The following INSM1 variants were observed in gnomAD, a reference collection of about 807,000 sequenced individuals.
INSM1 encodes insulinoma-associated protein 1.
In INSM1, 11 loss-of-function variants were observed where a neutral mutation model predicts 21.1. The ratio of observed to expected loss-of-function variants is 0.52; its 90% CI spans 0.33 to 0.86. The LOEUF is 0.86. Ranked by LOEUF, INSM1 falls within the 40% of genes least tolerant of loss-of-function variation. The pLI is 0.03. For synonymous variants in INSM1, 473 were observed against 386.1 expected (o/e 1.23, Z -2.64); for missense variants, 843 against 760.1 (o/e 1.11, Z -1.28).
chr20:20,369,046 C>A lies in INSM1; in HGVS notation c.779C>A (p.Ala260Glu). Residue 260 changes from alanine to glutamate, a missense_variant, in exon 1 of 1, where the codon GCG (alanine) becomes GAG (glutamate). Physicochemically the swap from Ala to Glu is moderately radical, Grantham distance 107. Coordinates refer to ENST00000310227, the MANE Select transcript of INSM1 (RefSeq NM_002196.3). This position sits in a 1 kb window ranked among gnomAD's most constrained non-coding sequence, Gnocchi z 5.6. The part of the protein sequence containing the change: ...VEAPRGRAGG[A>E]ARPLGEFICQ... ...GCGCCGCGGGGCCGCGCGGGGGGCG[C>A]GGCGCGGCCGCTGGGCGAGTTCATC... The A allele has an allele frequency of 6.5e-7, 1 of 1,548,840 alleles. No homozygotes were observed. Among genetic ancestry groups the A allele is most frequent in the Non-Finnish European group, 8.7e-7 (1 of 1,154,624 alleles).
Position 20,368,467 on chromosome 20 carries a change from C to G in INSM1, c.200C>G (p.Ala67Gly). The G allele has an allele frequency of 1.9e-6, 2 of 1,060,774 alleles. No individual in the cohort carries two copies. The highest frequency in any genetic ancestry group is 2.3e-6 in the Non-Finnish European group (2 of 874,994). The allele number at this position is 1,060,774 out of a possible 1,614,324, so 65.7% of individuals were successfully genotyped here. The change falls in exon 1 of 1, where the codon GCC becomes GGC. Residue 67 changes from alanine (A) to glycine (G), a missense_variant. Physicochemically the swap from Ala to Gly is moderately conservative, Grantham distance 60. Transcript: ENST00000310227. The surrounding 1 kb of genome is among the most constrained non-coding windows in gnomAD (Gnocchi z 4.3). Reference sequence around the variant, plus strand: ...GCGGAGCGCGCCCATGCAGCGCTCGCCGCCGCGCTTGCCTGCGCGCCTGGG... The same window carrying G: ...GCGGAGCGCGCCCATGCAGCGCTCGGCGCCGCGCTTGCCTGCGCGCCTGGG... ...PPAERAHAAL[A>G]AALACAPGPQ...
At position 20,369,003 on chromosome 20, in the gene INSM1, A is replaced by C; in HGVS notation, c.736A>C (p.Lys246Gln). The change falls in exon 1 of 1, where the codon AAG becomes CAG. Residue 246 changes from lysine (K) to glutamine (Q), a missense_variant. Transcript: ENST00000310227. This position sits in a 1 kb window ranked among gnomAD's most constrained non-coding sequence, Gnocchi z 5.6. ...GTCGCCCGTGCTGGGGCTCAAGATCAAGGAGGGCCCGGTGGAGGCGCCGCG... is the reference window on the plus strand; with the variant it reads ...GTCGCCCGTGCTGGGGCTCAAGATCCAGGAGGGCCCGGTGGAGGCGCCGCG... ...TTSPVLGLKI[K>Q]EGPVEAPRGR... is the part of the protein sequence containing the mutation. The C allele has an allele frequency of 6.5e-7, 1 of 1,538,968 alleles. No homozygotes were observed. Among genetic ancestry groups the C allele is most frequent in the South Asian group, 1.2e-5 (1 of 83,416 alleles).
Position 20,368,956 on chromosome 20 carries a change from A to G in INSM1, c.689A>G (p.His230Arg). ...AKKPKAIRKL[H>R]FEDEVTTSPV... is the part of the protein sequence containing the mutation. ...AAGCCCAAGGCCATCCGCAAGCTGC[A>G]CTTCGAGGACGAGGTGACCACGTCG... The change falls in exon 1 of 1, where the codon CAC becomes CGC. Residue 230 changes from histidine to arginine, a missense_variant. His to Arg is a conservative substitution (Grantham distance 29, BLOSUM62 0). Transcript: ENST00000310227. The surrounding 1 kb of genome is among the most constrained non-coding windows in gnomAD (Gnocchi z 4.3). The G allele has an allele frequency of 6.4e-7, 1 of 1,555,572 alleles. No homozygotes were observed. Among genetic ancestry groups the G allele is most frequent in the Non-Finnish European group, 8.7e-7 (1 of 1,154,138 alleles).
At position 20,369,359 on chromosome 20, in the gene INSM1, C is replaced by A; in HGVS notation, c.1092C>A (p.Asp364Glu). The A allele has an allele frequency of 1.3e-6, 2 of 1,503,720 alleles. No individual in the cohort carries two copies. The highest frequency in any genetic ancestry group is 8.8e-7 in the Non-Finnish European group (1 of 1,139,592). 93.1% of individuals were successfully genotyped at this position (1,503,720 alleles called of 1,614,324 possible). ...PGGVSESGSE[D>E]GLYECHHCAK... ...GCGTGTCCGAGTCGGGCTCCGAGGA[C>A]GGGCTCTACGAGTGCCATCACTGCG... Residue 364 changes from aspartate to glutamate, a missense_variant, in exon 1 of 1, where the codon GAC becomes GAA. Asp to Glu is a conservative substitution (Grantham distance 45, BLOSUM62 2). Transcript: ENST00000310227. This position sits in a 1 kb window ranked among gnomAD's most constrained non-coding sequence, Gnocchi z 5.6.
At position 20,369,379 on chromosome 20, in the gene INSM1, A is replaced by G. The variant is rs2059490051; in HGVS notation, c.1112A>G (p.His371Arg). 2.6e-6 allele frequency: 4 copies of G among 1,547,230 alleles called. No individual in the cohort carries two copies. The South Asian group carries it at 3.5e-5, about 14-fold the overall frequency. Reference protein sequence around the residue: ...GSEDGLYECHHCAKKFRRQAY... With the variant: ...GSEDGLYECHRCAKKFRRQAY... ...GAGGACGGGCTCTACGAGTGCCATC[A>G]CTGCGCCAAGAAGTTCCGCCGCCAG... Residue 371 changes from histidine (H) to arginine (R), a missense_variant, in exon 1 of 1, where the codon CAC becomes CGC. Coordinates refer to ENST00000310227, the MANE Select transcript of INSM1 (RefSeq NM_002196.3). This position sits in a 1 kb window ranked among gnomAD's most constrained non-coding sequence, Gnocchi z 5.6.
Position 20,368,588 on chromosome 20 carries a change from C to A in INSM1, c.321C>A (p.Ser107Arg). ...TCTACAGTCCCACGCGGCCCGTGAG[C>A]CGCGAGCACGAGAAGCACAAGTACT... ...APLYSPTRPV[S>R]REHEKHKYFE... Residue 107 changes from serine to arginine, a missense_variant, in exon 1 of 1, where the codon AGC becomes AGA. Coordinates refer to ENST00000310227, the MANE Select transcript of INSM1 (RefSeq NM_002196.3). This position sits in a 1 kb window ranked among gnomAD's most constrained non-coding sequence, Gnocchi z 4.3. The A allele has an allele frequency of 6.8e-7, 1 of 1,466,844 alleles. No individual in the cohort carries two copies. The highest frequency in any genetic ancestry group is 9.1e-7 in the Non-Finnish European group (1 of 1,097,500). 90.9% of individuals were successfully genotyped at this position (1,466,844 alleles called of 1,614,324 possible).
chr20:20,369,318 A>G lies in INSM1; in HGVS notation c.1051A>G (p.Thr351Ala). 7.1e-7 allele frequency: 1 copy of G among 1,411,580 alleles called. No individual in the cohort carries two copies. The allele number at this position is 1,411,580 out of a possible 1,614,324, so 87.4% of individuals were successfully genotyped here. The part of the protein sequence containing the change: ...EAPGGGSDRD[T>A]PSPGGVSESG... Reference sequence around the variant, plus strand: ...ACCCGGCGGCGGCAGCGACCGGGACACGCCGAGCCCCGGCGGCGTGTCCGA... The same window carrying G: ...ACCCGGCGGCGGCAGCGACCGGGACGCGCCGAGCCCCGGCGGCGTGTCCGA... The change falls in exon 1 of 1, where the codon ACG becomes GCG. Residue 351 changes from threonine (T) to alanine (A), a missense_variant. Coordinates refer to ENST00000310227, the MANE Select transcript of INSM1 (RefSeq NM_002196.3). This position sits in a 1 kb window ranked among gnomAD's most constrained non-coding sequence, Gnocchi z 5.6.
Position 20,369,757 on chromosome 20 carries a change from G to C in INSM1, c.1490G>C (p.Arg497Thr). 1 of 1,604,232 alleles carries C rather than the reference G, an allele frequency of 6.2e-7. No homozygotes were observed. Among genetic ancestry groups the C allele is most frequent in the South Asian group, 1.1e-5 (1 of 90,884 alleles). Reference protein sequence around the residue: ...HINKCHPSENRQVILLQVPVR... With the variant: ...HINKCHPSENTQVILLQVPVR... ...AACAAGTGCCACCCATCCGAAAACA[G>C]ACAGGTGATCCTCCTGCAGGTGCCC... Residue 497 changes from arginine to threonine, a missense_variant, in exon 1 of 1, where the codon AGA (arginine) becomes ACA (threonine). Transcript: ENST00000310227. This position sits in a 1 kb window ranked among gnomAD's most constrained non-coding sequence, Gnocchi z 5.6.
Position 20,369,763 on chromosome 20 carries a change from T to A in INSM1, c.1496T>A (p.Val499Glu). Reference protein sequence around the residue: ...NKCHPSENRQVILLQVPVRPA... With the variant: ...NKCHPSENRQEILLQVPVRPA... Reference sequence around the variant, plus strand: ...TGCCACCCATCCGAAAACAGACAGGTGATCCTCCTGCAGGTGCCCGTGCGC... The same window carrying A: ...TGCCACCCATCCGAAAACAGACAGGAGATCCTCCTGCAGGTGCCCGTGCGC... The change falls in exon 1 of 1, where the codon GTG becomes GAG. Residue 499 changes from valine (V) to glutamate (E), a missense_variant. Val to Glu is a moderately radical substitution (Grantham distance 121, BLOSUM62 -2). Coordinates refer to ENST00000310227, the MANE Select transcript of INSM1 (RefSeq NM_002196.3). The surrounding 1 kb of genome is among the most constrained non-coding windows in gnomAD (Gnocchi z 5.6). 6.2e-7 allele frequency: 1 copy of A among 1,603,982 alleles called. No individual in the cohort carries two copies. Among genetic ancestry groups the A allele is most frequent in the Non-Finnish European group, 8.5e-7 (1 of 1,178,276 alleles).
Position 20,369,514 on chromosome 20 carries a change from A to G in INSM1, c.1247A>G (p.Glu416Gly). Residue 416 changes from glutamate (E) to glycine (G), a missense_variant, in exon 1 of 1, where the codon GAG (glutamate) becomes GGG (glycine). Coordinates refer to ENST00000310227, the MANE Select transcript of INSM1 (RefSeq NM_002196.3). This position sits in a 1 kb window ranked among gnomAD's most constrained non-coding sequence, Gnocchi z 5.6. ...DLLALYPGPD[E>G]KAPQEAAGDG... ...CTGGCCTTGTACCCCGGGCCCGACGAGAAGGCGCCCCAGGAGGCGGCCGGC... is the reference window on the plus strand; with the variant it reads ...CTGGCCTTGTACCCCGGGCCCGACGGGAAGGCGCCCCAGGAGGCGGCCGGC... 2 of 1,550,336 alleles carry G rather than the reference A, an allele frequency of 1.3e-6. No individual in the cohort carries two copies. Among genetic ancestry groups the G allele is most frequent in the Admixed American group, 3.9e-5 (2 of 51,504 alleles).
rs1167591314 is a variant in INSM1 at position 20,370,817 on chromosome 20, TCTTA to T, written c.*1021_*1024del. 1.8e-5 allele frequency: 3 copies of T among 167,082 alleles called. No homozygotes were observed. Among genetic ancestry groups the T allele is most frequent in the Non-Finnish European group, 2.9e-5 (2 of 68,132 alleles). The allele number at this position is 167,082 out of a possible 1,614,324, so 10.3% of individuals were successfully genotyped here. On this transcript the variant is annotated 3_prime_UTR_variant, in exon 1 of 1. Coordinates refer to ENST00000310227, the MANE Select transcript of INSM1 (RefSeq NM_002196.3). ...CCAGGGCCCTTGTACAACCGACAGC[TCTTA>T]CTTTTAAATGCAATCTCTTTTCTAC...
rs1258747263 is a variant in INSM1, at chr20:20,368,897, G to T, written c.630G>T (p.Pro210=). The T allele has an allele frequency of 3.4e-6, 5 of 1,474,532 alleles. No homozygotes were observed. The highest frequency in any genetic ancestry group is 2.9e-5 in the African/African-American group (2 of 68,176). The allele number at this position is 1,474,532 out of a possible 1,614,324, so 91.3% of individuals were successfully genotyped here. The part of the protein sequence containing the change: ...KRPPPPTAAE[P]PAKAVKAPGA... ...CCCCGCCCCCTACCGCCGCGGAGCC[G>T]CCCGCCAAGGCAGTCAAGGCCCCGG... Residue 210 remains proline (P), a synonymous_variant, in exon 1 of 1, where the codon CCG becomes CCT. Coordinates refer to ENST00000310227, the MANE Select transcript of INSM1 (RefSeq NM_002196.3). This position sits in a 1 kb window ranked among gnomAD's most constrained non-coding sequence, Gnocchi z 4.3.
Position 20,369,259 on chromosome 20 carries a change from C to T in INSM1, c.992C>T (p.Pro331Leu), listed in dbSNP as rs2059489385. 7.0e-7 allele frequency: 1 copy of T among 1,437,168 alleles called. No homozygotes were observed. The highest frequency in any genetic ancestry group is 1.5e-5 in the African/African-American group (1 of 66,968). 89.0% of individuals were successfully genotyped at this position (1,437,168 alleles called of 1,614,324 possible). ...CCCGCCGCCGCCCGCGCGCCGGAGC[C>T]AGAAGCAGCAGCCAGGGCTGAGGCG... ...PAPAAARAPE[P>L]EAAARAEARE... The change falls in exon 1 of 1, where the codon CCA becomes CTA. Residue 331 changes from proline (P) to leucine (L), a missense_variant. Transcript: ENST00000310227. The surrounding 1 kb of genome is among the most constrained non-coding windows in gnomAD (Gnocchi z 5.6).
chr20:20,368,711 A>T lies in INSM1; in HGVS notation c.444A>T (p.Gly148=). ...GGGGCGGCGGCGGCGGCGCGAGCGG[A>T]GCTGGCGGAGGCGGCACCTGCGGCG... ...LGGGGGGGAS[G]AGGGGTCGGD... is the part of the protein sequence containing the mutation. Residue 148 remains glycine (G), a synonymous_variant, in exon 1 of 1, where the codon GGA becomes GGT. Coordinates refer to ENST00000310227, the MANE Select transcript of INSM1 (RefSeq NM_002196.3). The surrounding 1 kb of genome is among the most constrained non-coding windows in gnomAD (Gnocchi z 4.3). 1.6e-6 allele frequency: 2 copies of T among 1,225,896 alleles called. No homozygotes were observed. The highest frequency in any genetic ancestry group is 2.1e-6 in the Non-Finnish European group (2 of 972,278). The allele number at this position is 1,225,896 out of a possible 1,614,324, so 75.9% of individuals were successfully genotyped here.
In INSM1 at chr20:20,368,769, A is replaced by C. The variant is rs1486114108; in HGVS notation, c.502A>C (p.Lys168Gln). Residue 168 changes from lysine (K) to glutamine (Q), a missense_variant, in exon 1 of 1, where the codon AAG (lysine) becomes CAG (glutamine). Coordinates refer to ENST00000310227, the MANE Select transcript of INSM1 (RefSeq NM_002196.3). This position sits in a 1 kb window ranked among gnomAD's most constrained non-coding sequence, Gnocchi z 4.3. ...GCTGCTCTTCGCGCCCGCCGAGCTC[A>C]AGATGGGCACGGCGTTCTCGGCTGG... ...DPLLFAPAEL[K>Q]MGTAFSAGAE... The C allele has an allele frequency of 2.3e-5, 26 of 1,131,964 alleles. No individual in the cohort carries two copies. The highest frequency in any genetic ancestry group is 2.8e-5 in the Non-Finnish European group (25 of 904,800). 70.1% of individuals were successfully genotyped at this position (1,131,964 alleles called of 1,614,324 possible).
rs781504942 is a variant in INSM1 at position 20,368,602 on chromosome 20, A to G, written c.335A>G (p.Lys112Arg). 6 of 1,467,640 alleles carry G rather than the reference A, an allele frequency of 4.1e-6. No individual in the cohort carries two copies. The highest frequency in any genetic ancestry group is 5.5e-6 in the Non-Finnish European group (6 of 1,097,264). The allele number at this position is 1,467,640 out of a possible 1,614,324, so 90.9% of individuals were successfully genotyped here. ...PTRPVSREHE[K>R]HKYFERSFNL... ...CGGCCCGTGAGCCGCGAGCACGAGA[A>G]GCACAAGTACTTCGAACGCAGCTTC... The change falls in exon 1 of 1, where the codon AAG becomes AGG. Residue 112 changes from lysine to arginine, a missense_variant. By Grantham distance (26) the Lys-to-Arg change is conservative. Transcript: ENST00000310227. This position sits in a 1 kb window ranked among gnomAD's most constrained non-coding sequence, Gnocchi z 4.3.
chr20:20,368,836 C>G lies in INSM1; in HGVS notation c.569C>G (p.Pro190Arg). Residue 190 changes from proline (P) to arginine (R), a missense_variant, in exon 1 of 1, where the codon CCC (proline) becomes CGC (arginine). Transcript: ENST00000310227. The surrounding 1 kb of genome is among the most constrained non-coding windows in gnomAD (Gnocchi z 4.3). ...GGCCCGGGCCCCGGCCCCCCACTGC[C>G]CCCTGCCGCCGCCCTGCGGCCCCCG... ...ARGPGPGPPL[P>R]PAAALRPPGK... 1.6e-6 allele frequency: 2 copies of G among 1,255,208 alleles called. No individual in the cohort carries two copies. The highest frequency in any genetic ancestry group is 2.0e-6 in the Non-Finnish European group (2 of 988,710). The allele number at this position is 1,255,208 out of a possible 1,614,324, so 77.8% of individuals were successfully genotyped here.
In INSM1 at chr20:20,369,383, C is replaced by T. The variant is rs767103971; in HGVS notation, c.1116C>T (p.Cys372=). Residue 372 remains cysteine, a synonymous_variant, in exon 1 of 1, where the codon TGC becomes TGT. Transcript: ENST00000310227. The surrounding 1 kb of genome is among the most constrained non-coding windows in gnomAD (Gnocchi z 5.6). ...ACGGGCTCTACGAGTGCCATCACTGCGCCAAGAAGTTCCGCCGCCAGGCCT... is the reference window on the plus strand; with the variant it reads ...ACGGGCTCTACGAGTGCCATCACTGTGCCAAGAAGTTCCGCCGCCAGGCCT... ...SEDGLYECHH[C]AKKFRRQAYL... is the part of the protein sequence containing the mutation. 3 of 1,549,828 alleles carry T rather than the reference C, an allele frequency of 1.9e-6. No individual in the cohort carries two copies. The highest frequency in any genetic ancestry group is 1.2e-5 in the South Asian group (1 of 84,864).
In INSM1 at chr20:20,369,347, G is replaced by T. The variant is rs577480411; in HGVS notation, c.1080G>T (p.Ser360=). ...DTPSPGGVSE[S]GSEDGLYECH... is the part of the protein sequence containing the mutation. ...CGAGCCCCGGCGGCGTGTCCGAGTC[G>T]GGCTCCGAGGACGGGCTCTACGAGT... The change falls in exon 1 of 1, where the codon TCG becomes TCT. Residue 360 remains serine, a synonymous_variant. Transcript: ENST00000310227. This position sits in a 1 kb window ranked among gnomAD's most constrained non-coding sequence, Gnocchi z 5.6. The T allele has an allele frequency of 2.7e-6, 4 of 1,476,320 alleles. No individual in the cohort carries two copies. The highest frequency in any genetic ancestry group is 3.6e-6 in the Non-Finnish European group (4 of 1,125,888). 91.5% of individuals were successfully genotyped at this position (1,476,320 alleles called of 1,614,324 possible).
Sources: allele counts gnomAD v4.1 joint callset, GRCh38; gene constraint gnomAD v4.1.1; non-coding constraint Gnocchi (gnomAD v3.1); transcripts MANE v1.5; gene names NCBI Gene and HGNC (gene_info 2026-07-23, HGNC 2026-07-21).